Variants in TMEM207 observed in about 807,000 individuals in gnomAD.
TMEM207 encodes SRSR846.
TMEM207 carries 15 observed loss-of-function variants against 17.4 expected under a neutral mutation model. The ratio of observed to expected loss-of-function variants is 0.86; its 90% CI spans 0.58 to 1.33. The LOEUF (loss-of-function observed/expected upper bound fraction) is 1.33. Ranked by LOEUF, TMEM207 falls within the 40% of genes most tolerant of loss-of-function variation. The probability of loss-of-function intolerance (pLI) is 0.00; values close to 1 mark genes in which losing one functional copy is unlikely to be tolerated. For missense variants in TMEM207, 205 were observed against 173.8 expected (o/e 1.18, Z -1.01); for synonymous variants, 70 against 65.6 (o/e 1.07, Z -0.33).
chr3:190,449,213 T>C (rs1044006451), intron 1 of TMEM207, among the ~76,000 whole-genome samples: 1 of 152,180 alleles, frequency 6.6e-6, no homozygotes, highest in African/African-American at 2.4e-5. Context: ...TAATTTACTT[T>C]AGATCTAAAT....
chr3:190,443,825 A>G (rs142946193), intron 2 of TMEM207, among the ~76,000 whole-genome samples: 105 of 152,286 alleles, frequency 6.9e-4, no homozygotes, highest in African/African-American at 2.4e-3. Context: ...GGATTGGTCA[A>G]ATTGGTATGA....
rs559778102 is a variant in TMEM207, at chr3:190,439,374, A to T, written c.304+870T>A. 1.1e-4 allele frequency among the ~76,000 whole-genome samples: 16 copies of T among 152,174 alleles called. 1 individual carries two copies. In the East Asian group the frequency reaches 2.7e-3, roughly 26 times the overall value. ...TCTTGCTGTTAGTTTTCCCCAGGGC[A>T]CACCCTGCTCCATCTATTGTAAATT... On this transcript the variant is annotated intron_variant, in intron 4 of 4. Transcript: ENST00000354905.
intron 2 of TMEM207, among the ~76,000 whole-genome samples, chr3:190,443,065 A>T (rs1050595278): frequency 9.9e-5 from 15 of 152,176 alleles, no homozygotes; most frequent in African/African-American, 3.4e-4. Flanking sequence ...TGTATTAAAA[A>T]ATTAAAACCT....
chr3:190,448,090 ATTT>A (rs1273460728), intron 1 of TMEM207, among the ~76,000 whole-genome samples: 1 of 152,014 alleles, frequency 6.6e-6, no homozygotes, highest in Non-Finnish European at 1.5e-5. Context: ...TTTTACGACA[ATTT>A]TTGTTTTTTC....
At chr3:190,443,159 T>TG (rs1719971218) in intron 2 of TMEM207, among the ~76,000 whole-genome samples, 1 of 148,824 alleles carries the variant, frequency 6.7e-6, no homozygotes, top group Non-Finnish European at 1.5e-5. Context: ...TTTTTTTTTT[T>TG]GTTTTGTTTT....
At chr3:190,444,098 A>G (rs917596048) in intron 2 of TMEM207, among the ~76,000 whole-genome samples, 1 of 152,228 alleles carries the variant, frequency 6.6e-6, no homozygotes, top group African/African-American at 2.4e-5. Flanking sequence ...TGATAAATTC[A>G]GGAAGAAATA....
chr3:190,439,275 G>A (rs1274451347), intron 4 of TMEM207, among the ~76,000 whole-genome samples: 2 of 150,484 alleles, frequency 1.3e-5, no homozygotes, highest in Non-Finnish European at 3.0e-5. Flanking sequence ...AAAGCTGGAG[G>A]TCAATATAAT....
chr3:190,441,036 T>C (rs1052056781), intron 3 of TMEM207, among the ~76,000 whole-genome samples: 54 of 151,888 alleles, frequency 3.6e-4, no homozygotes, highest in African/African-American at 1.2e-3. Context: ...GCCACTGCAC[T>C]GCAGCCTGGG....
At position 190,449,601 on chromosome 3, in the gene TMEM207, C is replaced by T. The variant is rs182910886; in HGVS notation, c.75+134G>A. The T allele has an allele frequency of 2.4e-3, 1,806 of 749,316 alleles. 25 individuals carry two copies. Among genetic ancestry groups the T allele is most frequent in the Non-Finnish European group, 7.7e-4 (350 of 452,350 alleles). 46.4% of individuals were successfully genotyped at this position (749,316 alleles called of 1,614,324 possible). ...AGTGAATACAAGAAATCATAAGATG[C>T]TAGTAAAGCTTGAAGGAAATCTTTT... is the stretch of plus-strand genomic sequence containing the variant. On this transcript the variant is annotated intron_variant, in intron 1 of 4. Transcript: ENST00000354905.
chr3:190,440,331 G>A lies in TMEM207; in HGVS notation c.217C>T (p.Leu73Phe). Residue 73 changes from leucine to phenylalanine, a missense_variant, in exon 4 of 5, where the codon CTC becomes TTC. Transcript: ENST00000354905. Reference sequence around the variant, plus strand: ...CGGGGTCTCCTCAGCCAGCACTGGAGGCAGAGGACCACAGCTCCACAGAGA... The same window carrying A: ...CGGGGTCTCCTCAGCCAGCACTGGAAGCAGAGGACCACAGCTCCACAGAGA... ...ALLCGAVVLC[L>F]QCWLRRPRID... 6.2e-7 allele frequency: 1 copy of A among 1,614,098 alleles called. No individual in the cohort carries two copies. The highest frequency in any genetic ancestry group is 8.5e-7 in the Non-Finnish European group (1 of 1,180,016).
At chr3:190,441,147 A>G (rs1577446406) in intron 3 of TMEM207, among the ~76,000 whole-genome samples, 1 of 152,358 alleles carries the variant, frequency 6.6e-6, no homozygotes, top group Non-Finnish European at 1.5e-5. Flanking sequence ...GCCAGAACTA[A>G]TATCAGTGGA....
intron 2 of TMEM207, among the ~76,000 whole-genome samples, chr3:190,443,219 T>C (rs552517335): frequency 6.6e-6 from 1 of 151,058 alleles, no homozygotes; most frequent in African/African-American, 2.4e-5. Flanking sequence ...TGGTCAGGAG[T>C]ATGGATTATT....
intron 4 of TMEM207, among the ~76,000 whole-genome samples, chr3:190,439,082 C>A (rs1719868700): frequency 6.8e-6 from 1 of 147,652 alleles, no homozygotes; most frequent in Non-Finnish European, 1.5e-5. Context: ...GAGGCTGAGG[C>A]AGGAGAATGG....
rs1719897953 is a variant in TMEM207 at position 190,440,159 on chromosome 3, A to G, written c.304+85T>C. 2.7e-6 allele frequency: 4 copies of G among 1,490,520 alleles called. No homozygotes were observed. In the Admixed American group the frequency reaches 8.5e-5, roughly 32 times the overall value. The allele number at this position is 1,490,520 out of a possible 1,614,324, so 92.3% of individuals were successfully genotyped here. Reference sequence around the variant, plus strand: ...GCCACATCTTTTTCTAAGTTCCCAGATCTGCTTTTGGGAGAACAGTTTTTC... The same window carrying G: ...GCCACATCTTTTTCTAAGTTCCCAGGTCTGCTTTTGGGAGAACAGTTTTTC... On this transcript the variant is annotated intron_variant, in intron 4 of 4. Transcript: ENST00000354905.
Position 190,440,350 on chromosome 3 carries a change from A to G in TMEM207, c.198T>C (p.Cys66=). 1 of 1,613,702 alleles carries G rather than the reference A, an allele frequency of 6.2e-7. No homozygotes were observed. Among genetic ancestry groups the G allele is most frequent in the Non-Finnish European group, 8.5e-7 (1 of 1,179,864 alleles). The change falls in exon 4 of 5, where the codon TGT becomes TGC. Residue 66 remains cysteine, a synonymous_variant. Transcript: ENST00000354905. ...LLLVLVAALL[C]GAVVLCLQCW... ...ACTGGAGGCAGAGGACCACAGCTCC[A>G]CAGAGAAGAGCTGCCACCAAAACCA...
chr3:190,443,405 T>C (rs1348524058), intron 2 of TMEM207, among the ~76,000 whole-genome samples: 1 of 150,850 alleles, frequency 6.6e-6, no homozygotes, highest in East Asian at 1.9e-4. Flanking sequence ...TTATTTCACT[T>C]TTTTTTCTGA....
At chr3:190,431,455 CATT>C (rs560696166) in intron 4 of TMEM207, among the ~76,000 whole-genome samples, 2 of 151,774 alleles carry the variant, frequency 1.3e-5, no homozygotes, top group Non-Finnish European at 2.9e-5. Context: ...ATGATTTAAA[CATT>C]ATTATTATTA....
At chr3:190,447,966 G>A in intron 1 of TMEM207, 139 bp from the exon 2 acceptor site, 1 of 643,796 alleles carries the variant, frequency 1.6e-6, no homozygotes, top group Non-Finnish European at 2.4e-6. Flanking sequence ...AGAGTTTATT[G>A]TTGGTACACA....
Position 190,447,785 on chromosome 3 carries a change from C to T in TMEM207, c.113+5G>A, listed in dbSNP as rs987288618. ...AAAACATGGAGTTTTTCGCTGTTTA[C>T]TTACATTTCATCTTCTTCGCATGGT... On this transcript the variant is annotated splice_donor_5th_base_variant and intron_variant, in intron 2 of 4. Transcript: ENST00000354905. 5 of 1,611,002 alleles carry T rather than the reference C, an allele frequency of 3.1e-6. No homozygotes were observed. The highest frequency in any genetic ancestry group is 4.2e-6 in the Non-Finnish European group (5 of 1,178,850).
Sources: gnomAD v4.1 joint callset for allele counts (sites outside exome capture counted in the v4.1 genomes callset) on GRCh38, gnomAD v4.1.1 for gene constraint, MANE v1.5 for transcripts, NCBI Gene and HGNC (gene_info 2026-07-23, HGNC 2026-07-21) for gene names.